The following CPVL variants were observed in gnomAD, a reference collection of about 807,000 sequenced individuals.
CPVL encodes carboxypeptidase vitellogenic like, also known as probable serine carboxypeptidase CPVL.
Under a neutral mutation model 63.7 loss-of-function variants are expected in CPVL, and 51 were observed. The ratio of observed to expected loss-of-function variants is 0.80; its 90% CI spans 0.64 to 1.01. The LOEUF is 1.01. Ranked by LOEUF, CPVL falls within the 50% of genes least tolerant of loss-of-function variation. The pLI, the probability that CPVL is intolerant of heterozygous loss-of-function variation, is 0.00. For missense variants in CPVL, 530 were observed against 573.1 expected (o/e 0.92, Z 0.77); for synonymous variants, 195 against 206.0 (o/e 0.95, Z 0.46).
At chr7:29,083,412 C>T (rs1251432256) in intron 7 of CPVL, among the ~76,000 whole-genome samples, 1 of 152,212 alleles carries the variant, frequency 6.6e-6, no homozygotes, top group African/African-American at 2.4e-5. Flanking sequence ...AGGCACCATT[C>T]TGGCCAATTT....
intron 3 of CPVL, among the ~76,000 whole-genome samples, chr7:29,101,169 A>T (rs535270215): frequency 3.8e-4 from 58 of 152,390 alleles, no homozygotes; most frequent in Non-Finnish European, 6.8e-4. Flanking sequence ...TGCAATACTT[A>T]AGACCGAATG....
At chr7:29,123,628 A>AAAATATATAT (rs1562780901) in intron 1 of CPVL, among the ~76,000 whole-genome samples, 2 of 41,766 alleles carry the variant, frequency 4.8e-5, no homozygotes, top group East Asian at 7.5e-4. Flanking sequence ...AAAAAAAAAA[A>AAAATATATAT]ATATATATAT....
Position 29,120,817 on chromosome 7 carries a change from TC to T in CPVL, c.169+75del, listed in dbSNP as rs1447462815. 1.1e-5 allele frequency: 12 copies of T among 1,047,258 alleles called. No homozygotes were observed. The African/African-American group carries it at 1.4e-4, about 13-fold the overall frequency. The allele number at this position is 1,047,258 out of a possible 1,614,324, so 64.9% of individuals were successfully genotyped here. ...GCCTAGTGACAGGCGAGACTTCGTC[TC>T]AAAAAAAAAAAAAAAAAAAAGAGAA... On this transcript the variant is annotated intron_variant, in intron 2 of 12. Transcript: ENST00000265394.
intron 12 of CPVL, among the ~76,000 whole-genome samples, chr7:29,028,966 C>CAAAAA (rs59054295): frequency 4.5e-5 from 4 of 88,516 alleles, no homozygotes; most frequent in South Asian, 8.3e-4. Context: ...GACTCCATCT[C>CAAAAA]AAAAAAAAAA....
At chr7:29,156,006 T>C (rs1202142139) in intron 5 of CPVL, among the ~76,000 whole-genome samples, 2 of 152,242 alleles carry the variant, frequency 1.3e-5, no homozygotes, top group Non-Finnish European at 2.9e-5. Flanking sequence ...AACTTACTTT[T>C]ACATTTAATA....
At chr7:29,190,654 GT>G (rs1310329494) in intron 1 of CPVL, among the ~76,000 whole-genome samples, 1 of 152,150 alleles carries the variant, frequency 6.6e-6, no homozygotes, top group Non-Finnish European at 1.5e-5. Context: ...ATGTTTCACC[GT>G]TTCAGTCTTT....
intron 1 of CPVL, among the ~76,000 whole-genome samples, chr7:29,136,057 G>GA (rs538418434): frequency 6.3e-4 from 96 of 152,316 alleles, no homozygotes; most frequent in Non-Finnish European, 1.2e-3. Context: ...AACTAGGACT[G>GA]AAGAGGGGAA....
intron 5 of CPVL, 108 bp from the exon 6 acceptor site, chr7:29,092,810 A>C: frequency 1.1e-5 from 9 of 807,128 alleles, no homozygotes; most frequent in African/African-American, 1.7e-5. Flanking sequence ...GGCCAAGCTC[A>C]GACTTCAGAT....
intron 12 of CPVL, among the ~76,000 whole-genome samples, chr7:29,018,617 G>T (rs1488195236): frequency 2.0e-5 from 3 of 152,082 alleles, no homozygotes; most frequent in African/African-American, 7.2e-5. Flanking sequence ...GGCCTCAAGT[G>T]ATCCACCCAC....
intron 3 of CPVL, among the ~76,000 whole-genome samples, chr7:29,100,772 T>A (rs1348910517): frequency 6.6e-6 from 1 of 152,214 alleles, no homozygotes; most frequent in East Asian, 1.9e-4. Context: ...AGGAGGTGAA[T>A]GAGGCTCAAT....
chr7:29,133,048 CAT>C (rs1336156917), intron 1 of CPVL, among the ~76,000 whole-genome samples: 1 of 151,756 alleles, frequency 6.6e-6, no homozygotes, highest in Non-Finnish European at 1.5e-5. Context: ...AAAGTCACTG[CAT>C]GCATTCCCTC....
intron 12 of CPVL, among the ~76,000 whole-genome samples, chr7:29,006,953 A>C (rs930369987): frequency 1.3e-5 from 2 of 152,044 alleles, no homozygotes; most frequent in Non-Finnish European, 2.9e-5. Context: ...TGATTTTGTG[A>C]GTCTTTGGTT....
chr7:29,098,015 G>A (rs6462122), intron 3 of CPVL, among the ~76,000 whole-genome samples: 21,735 of 152,070 alleles, frequency 0.14, 3,632 homozygotes, highest in African/African-American at 0.41. Flanking sequence ...CTTCTAGCAG[G>A]ACCTAACAGT....
intron 12 of CPVL, among the ~76,000 whole-genome samples, chr7:29,005,207 T>G (rs1785068216): frequency 6.6e-6 from 1 of 152,132 alleles, no homozygotes; most frequent in Admixed American, 6.6e-5. Context: ...AAATATGTCT[T>G]AAGTTTGTAC....
chr7:29,082,286 G>T (rs771679706), intron 7 of CPVL: 1 of 152,154 alleles, frequency 6.6e-6, no homozygotes, highest in Non-Finnish European at 1.5e-5. Context: ...AATATCCCTG[G>T]AAGTGATCTA....
chr7:29,117,136 A>G (rs1788851894), intron 2 of CPVL, among the ~76,000 whole-genome samples: 1 of 152,236 alleles, frequency 6.6e-6, no homozygotes, highest in Admixed American at 6.5e-5. Flanking sequence ...ACTGTGTAAC[A>G]TAACTTCAGG....
chr7:29,127,318 A>T (rs1343439386), intron 1 of CPVL: 1 of 152,216 alleles, frequency 6.6e-6, no homozygotes, highest in Non-Finnish European at 1.5e-5. Context: ...CATCATGATA[A>T]TGATACCAGT....
rs554683574 is a variant in CPVL, at chr7:29,020,751, C to G, written c.1320+9826G>C. Among the ~76,000 whole-genome samples, 59 of 151,992 alleles carry G rather than the reference C, an allele frequency of 3.9e-4. No individual in the cohort carries two copies. The South Asian group carries it at 0.012, about 31-fold the overall frequency. ...AAGCACAAATTAATAAAAGAGAAAG[C>G]AAAAATATAATCAAGAAAAATAAAG... On this transcript the variant is annotated intron_variant, in intron 12 of 12. Transcript: ENST00000265394.
chr7:29,071,925 C>T (rs138534158), intron 8 of CPVL, 21 bp from the exon 9 acceptor site: 24,391 of 1,612,812 alleles, frequency 0.015, 231 homozygotes, highest in Non-Finnish European at 0.017. Context: ...AAAAGACACA[C>T]ATCAATGTGA....
Sources: gnomAD v4.1 joint callset for allele counts (sites outside exome capture counted in the v4.1 genomes callset) on GRCh38, gnomAD v4.1.1 for gene constraint, MANE v1.5 for transcripts, NCBI Gene and HGNC (gene_info 2026-07-23, HGNC 2026-07-21) for gene names.